CYTH1: variants seen among roughly 807,000 people sequenced by gnomAD.
CYTH1 encodes the protein cytohesin-1.
A neutral mutation model predicts 61.8 loss-of-function variants in CYTH1; 18 were observed. The observed-to-expected ratio is 0.29, with a 90% confidence interval of 0.20 to 0.43. The LOEUF (loss-of-function observed/expected upper bound fraction) is 0.43, where lower values mean the gene tolerates loss of function less well. Among genes scored for constraint, CYTH1 ranks in the 20% least tolerant of loss-of-function variants. CYTH1 has a pLI of 1.00. For missense variants in CYTH1, 336 were observed against 510.5 expected (o/e 0.66, Z 3.29); for synonymous variants, 174 against 184.3 (o/e 0.94, Z 0.45).
intron 1 of CYTH1, among the ~76,000 whole-genome samples, chr17:78,780,081 T>A (rs193096600): frequency 6.6e-6 from 1 of 152,260 alleles, no homozygotes; most frequent in East Asian, 1.9e-4. Flanking sequence ...GACACTGGGA[T>A]CTGAGGGAAA....
At position 78,700,496 on chromosome 17, in the gene CYTH1, C is replaced by A; in HGVS notation, c.438-53G>T. ...GAACTTGGGGAGGCAATTTATTTCT[C>A]TATGAATTGTTAAACTGCCAATGAT... On this transcript the variant is annotated intron_variant, in intron 6 of 13. Transcript: ENST00000446868. The surrounding 1 kb of genome is among the most constrained non-coding windows in gnomAD (Gnocchi z 5.1). 2.2e-6 allele frequency: 3 copies of A among 1,350,964 alleles called. No homozygotes were observed. The highest frequency in any genetic ancestry group is 3.1e-6 in the Non-Finnish European group (3 of 981,746). 83.7% of individuals were successfully genotyped at this position (1,350,964 alleles called of 1,614,324 possible). A position where few individuals can be genotyped will look rare whatever the true frequency, so the allele number is the denominator to read the frequency against.
chr17:78,723,268 A>G (rs1437046301), intron 1 of CYTH1: 1 of 152,994 alleles, frequency 6.5e-6, no homozygotes, highest in Non-Finnish European at 1.5e-5. Context: ...CTGGGCAGCA[A>G]CATCAAAGCC....
chr17:78,780,875 C>A (rs972747064), intron 1 of CYTH1, among the ~76,000 whole-genome samples: 32 of 152,192 alleles, frequency 2.1e-4, no homozygotes, highest in African/African-American at 7.7e-4. Context: ...GGCGTGGTGG[C>A]ACGCGCCTGT....
At chr17:78,711,296 ATAAATAATAT>A (rs1431350701) in intron 1 of CYTH1, among the ~76,000 whole-genome samples, 1 of 106,388 alleles carries the variant, frequency 9.4e-6, no homozygotes, top group African/African-American at 3.6e-5. Context: ...AAATAAATAA[ATAAATAATAT>A]ATATATATAC....
At chr17:78,755,709 G>A (rs939786530) in intron 1 of CYTH1, among the ~76,000 whole-genome samples, 21 of 152,022 alleles carry the variant, frequency 1.4e-4, no homozygotes, top group African/African-American at 5.1e-4. Flanking sequence ...TGAGGCAGGG[G>A]GACTGCTTAA....
At chr17:78,748,074 C>A (rs1312956333) in intron 1 of CYTH1, among the ~76,000 whole-genome samples, 7 of 152,050 alleles carry the variant, frequency 4.6e-5, no homozygotes, top group Admixed American at 2.6e-4. Context: ...CTGAACCCTA[C>A]CCATTATTCA....
At chr17:78,746,539 T>C (rs2093360049) in intron 1 of CYTH1, among the ~76,000 whole-genome samples, 1 of 152,200 alleles carries the variant, frequency 6.6e-6, no homozygotes, top group African/African-American at 2.4e-5. Context: ...TATCACTACA[T>C]GGTAACCTGA....
At chr17:78,706,969 A>G (rs938150357) in intron 3 of CYTH1, among the ~76,000 whole-genome samples, 2 of 152,242 alleles carry the variant, frequency 1.3e-5, no homozygotes. Context: ...ATTTACTTCT[A>G]ATCTGTTGCC....
chr17:78,731,427 A>G (rs1362190599), intron 1 of CYTH1, among the ~76,000 whole-genome samples: 2 of 152,172 alleles, frequency 1.3e-5, no homozygotes, highest in Non-Finnish European at 2.9e-5. Flanking sequence ...CTGAAGGTAA[A>G]CAGGAGAAGA....
At chr17:78,712,324 A>G (rs1190394832) in intron 1 of CYTH1, among the ~76,000 whole-genome samples, 3 of 152,186 alleles carry the variant, frequency 2.0e-5, no homozygotes, top group African/African-American at 2.4e-5. Context: ...CTGTTATTTC[A>G]CTGTGAGCTT....
chr17:78,762,269 C>T (rs1306424888), intron 1 of CYTH1, among the ~76,000 whole-genome samples: 1 of 152,176 alleles, frequency 6.6e-6, no homozygotes, highest in Non-Finnish European at 1.5e-5. Context: ...TGTTGCTGAT[C>T]AGCAGAATAT....
At chr17:78,767,363 A>G (rs2093453020) in intron 1 of CYTH1, among the ~76,000 whole-genome samples, 5 of 152,188 alleles carry the variant, frequency 3.3e-5, no homozygotes, top group African/African-American at 1.2e-4. Flanking sequence ...GAAAGCTGAA[A>G]GTCCCCAGGC....
At chr17:78,699,919 A>G (rs931936101) in intron 7 of CYTH1, among the ~76,000 whole-genome samples, 1 of 152,120 alleles carries the variant, frequency 6.6e-6, no homozygotes, top group Non-Finnish European at 1.5e-5. Context: ...CCTCACAAAT[A>G]GCCGGGACTA....
At chr17:78,774,873 T>C (rs1298233678) in intron 1 of CYTH1, among the ~76,000 whole-genome samples, 1 of 152,202 alleles carries the variant, frequency 6.6e-6, no homozygotes, top group Non-Finnish European at 1.5e-5. Flanking sequence ...AGATTATGCC[T>C]GTGAGAAAAC....
At chr17:78,719,181 T>C (rs902720338) in intron 1 of CYTH1, among the ~76,000 whole-genome samples, 1 of 152,224 alleles carries the variant, frequency 6.6e-6, no homozygotes, top group Non-Finnish European at 1.5e-5. Flanking sequence ...TAAGCCTAGC[T>C]TGGGGCCACA....
chr17:78,748,950 G>A (rs1272238562), intron 1 of CYTH1, among the ~76,000 whole-genome samples: 3 of 152,114 alleles, frequency 2.0e-5, no homozygotes, highest in Non-Finnish European at 2.9e-5. Context: ...GAACCAGCGC[G>A]GTCCTGCCAC....
At chr17:78,779,349 G>A (rs568067225) in intron 1 of CYTH1, among the ~76,000 whole-genome samples, 3 of 142,700 alleles carry the variant, frequency 2.1e-5, no homozygotes, top group African/African-American at 5.2e-5. Context: ...GCAGTGAGCC[G>A]AGATTGCGCC....
chr17:78,773,331 C>CA (rs1367868499), intron 1 of CYTH1, among the ~76,000 whole-genome samples: 95 of 149,370 alleles, frequency 6.4e-4, no homozygotes, highest in South Asian at 1.9e-3. Flanking sequence ...ATTATAGTTT[C>CA]AAAAAAAAAA....
intron 1 of CYTH1, among the ~76,000 whole-genome samples, chr17:78,720,387 C>T (rs2093217814): frequency 6.6e-6 from 1 of 152,162 alleles, no homozygotes; most frequent in African/African-American, 2.4e-5. Context: ...GCCGCAACCT[C>T]AGCTCACTGC....
Sources: allele counts gnomAD v4.1 joint callset (sites outside exome capture counted in the v4.1 genomes callset), GRCh38; gene constraint gnomAD v4.1.1; non-coding constraint Gnocchi (gnomAD v3.1); transcripts MANE v1.5; gene names NCBI Gene and HGNC (gene_info 2026-07-23, HGNC 2026-07-21).